Variants in PLSCR1 observed in about 807,000 individuals in gnomAD.
The protein encoded by PLSCR1 is PL scramblase 1.
A neutral mutation model predicts 37.8 loss-of-function variants in PLSCR1; 17 were observed. That is an observed-to-expected ratio of 0.45 (90% CI 0.31 to 0.68). PLSCR1 has a LOEUF of 0.68. Among genes scored for constraint, PLSCR1 ranks in the 30% least tolerant of loss-of-function variants. The pLI is 0.06. For synonymous variants in PLSCR1, 116 were observed against 125.9 expected (o/e 0.92, Z 0.53); for missense variants, 347 against 380.9 (o/e 0.91, Z 0.74).
chr3:146,524,338 G>C (rs1328272268), intron 5 of PLSCR1, among the ~76,000 whole-genome samples: 1 of 151,588 alleles, frequency 6.6e-6, no homozygotes, highest in African/African-American at 2.4e-5. Context: ...TAAGTGCCTA[G>C]TTTATGCTCA....
chr3:146,532,153 T>C (rs1296199902), intron 3 of PLSCR1, among the ~76,000 whole-genome samples: 1 of 152,176 alleles, frequency 6.6e-6, no homozygotes, highest in Non-Finnish European at 1.5e-5. Flanking sequence ...TATATATCTA[T>C]ATATATAAAC....
chr3:146,536,821 G>T, intron 1 of PLSCR1: 1 of 354,370 alleles, frequency 2.8e-6, no homozygotes, highest in Non-Finnish European at 5.3e-6. Flanking sequence ...TGGGAAGAGG[G>T]TCCAGTGAGG....
intron 1 of PLSCR1, among the ~76,000 whole-genome samples, chr3:146,537,012 G>A (rs1378428217): frequency 6.6e-6 from 1 of 152,142 alleles, no homozygotes; most frequent in Non-Finnish European, 1.5e-5. Flanking sequence ...AGCAAAAAAT[G>A]TTAATTATCA....
chr3:146,533,403 C>T, intron 3 of PLSCR1, 67 bp downstream of exon 3: 1 of 773,928 alleles, frequency 1.3e-6, no homozygotes, highest in Non-Finnish European at 2.2e-6. Flanking sequence ...TCTCTCTCTC[C>T]CACTCTCACT....
rs769076735 is a variant in PLSCR1, at chr3:146,521,957, C to T, written c.452G>A (p.Arg151Gln). 7.4e-6 allele frequency: 12 copies of T among 1,612,648 alleles called. No individual in the cohort carries two copies. Among genetic ancestry groups the T allele is most frequent in the African/African-American group, 6.7e-5 (5 of 74,886 alleles). Reference sequence around the variant, plus strand: ...AGGTCTAGATGGCCCACAGCAATTTCGGGTACAGCAATCAGTATCTTCCGC... The same window carrying T: ...AGGTCTAGATGGCCCACAGCAATTTTGGGTACAGCAATCAGTATCTTCCGC... Reference protein sequence around the residue: ...FAAEDTDCCTRNCCGPSRPFT... With the variant: ...FAAEDTDCCTQNCCGPSRPFT... Residue 151 changes from arginine to glutamine, a missense_variant, in exon 6 of 9, where the codon CGA becomes CAA. Arg to Gln is a conservative substitution (Grantham distance 43). Coordinates refer to ENST00000342435, the MANE Select transcript of PLSCR1 (RefSeq NM_021105.3).
At chr3:146,523,688 G>A (rs343311) in intron 5 of PLSCR1, among the ~76,000 whole-genome samples, 102,764 of 152,082 alleles carry the variant, frequency 0.68, 36,441 homozygotes, top group African/African-American at 0.91. Flanking sequence ...TATCTAGACC[G>A]TGGGAATCCT....
Position 146,515,756 on chromosome 3 carries a change from G to A in PLSCR1, c.*289C>T, listed in dbSNP as rs1051430333. ...ATAAGGCCTTAGTTAATATTTGGTA[G>A]TAAAATGGACAATGAATCAGAGATC... On this transcript the variant is annotated 3_prime_UTR_variant, in exon 9 of 9. Coordinates refer to ENST00000342435, the MANE Select transcript of PLSCR1 (RefSeq NM_021105.3). The A allele has an allele frequency of 5.0e-5, 12 of 238,158 alleles. No individual in the cohort carries two copies. Among genetic ancestry groups the A allele is most frequent in the Admixed American group, 1.1e-4 (2 of 17,972 alleles). 14.8% of individuals were successfully genotyped at this position (238,158 alleles called of 1,614,324 possible).
At chr3:146,523,528 G>A (rs189858401) in intron 5 of PLSCR1, among the ~76,000 whole-genome samples, 7 of 152,208 alleles carry the variant, frequency 4.6e-5, no homozygotes, top group Admixed American at 1.3e-4. Flanking sequence ...CAATGTACAC[G>A]CATAAAAACC....
chr3:146,531,179 A>G (rs2044193537), intron 3 of PLSCR1, among the ~76,000 whole-genome samples: 1 of 152,188 alleles, frequency 6.6e-6, no homozygotes, highest in Non-Finnish European at 1.5e-5. Flanking sequence ...ACAGGAGTTC[A>G]GGAGGCCAGA....
rs7638764 is a variant in PLSCR1 at position 146,539,117 on chromosome 3, A to C, written c.-13-2552T>G. 7.9e-3 allele frequency among the ~76,000 whole-genome samples: 1,201 copies of C among 152,336 alleles called. 10 individuals carry two copies. The highest frequency in any genetic ancestry group is 0.028 in the African/African-American group (1,153 of 41,570). ...GATTATACAATTCATTATAAGGTAGAATCAGTGGGAGCCCTGAGCTTGTTT... is the reference window on the plus strand; with the variant it reads ...GATTATACAATTCATTATAAGGTAGCATCAGTGGGAGCCCTGAGCTTGTTT... On this transcript the variant is annotated intron_variant, in intron 1 of 8. Coordinates refer to ENST00000342435, the MANE Select transcript of PLSCR1 (RefSeq NM_021105.3).
At chr3:146,542,704 T>C (rs1027302400) in intron 1 of PLSCR1, among the ~76,000 whole-genome samples, 1 of 152,190 alleles carries the variant, frequency 6.6e-6, no homozygotes, top group Non-Finnish European at 1.5e-5. Flanking sequence ...TTTGGTTTTT[T>C]AATTTAGCAC....
intron 5 of PLSCR1, among the ~76,000 whole-genome samples, chr3:146,522,362 C>A (rs1469306362): frequency 1.3e-5 from 2 of 152,114 alleles, no homozygotes; most frequent in Admixed American, 6.5e-5. Context: ...ATTTTTCTGC[C>A]TTGAGATGCT....
At chr3:146,530,578 T>C (rs2044183067) in intron 3 of PLSCR1, among the ~76,000 whole-genome samples, 1 of 152,160 alleles carries the variant, frequency 6.6e-6, no homozygotes, top group South Asian at 2.1e-4. Context: ...ATAATTTATA[T>C]CAAGGTCTAA....
intron 4 of PLSCR1, among the ~76,000 whole-genome samples, chr3:146,525,988 C>T (rs1355569029): frequency 6.6e-6 from 1 of 151,360 alleles, no homozygotes; most frequent in African/African-American, 2.4e-5. Context: ...TCGAGACCAT[C>T]CTGGCTGACA....
chr3:146,539,915 C>T (rs1214817942), intron 1 of PLSCR1, among the ~76,000 whole-genome samples: 1 of 152,166 alleles, frequency 6.6e-6, no homozygotes, highest in Non-Finnish European at 1.5e-5. Context: ...TAAAGTCATC[C>T]ACTATGTGGA....
At chr3:146,536,048 T>C (rs1319127959) in intron 2 of PLSCR1, among the ~76,000 whole-genome samples, 2 of 152,152 alleles carry the variant, frequency 1.3e-5, no homozygotes, top group African/African-American at 4.8e-5. Context: ...TTGATAAATA[T>C]CCATCTTACT....
chr3:146,543,798 G>A (rs545771802), intron 1 of PLSCR1, among the ~76,000 whole-genome samples: 1 of 152,310 alleles, frequency 6.6e-6, no homozygotes, highest in Non-Finnish European at 1.5e-5. Flanking sequence ...TCAGAGATGA[G>A]GCAATGGAAA....
intron 5 of PLSCR1, among the ~76,000 whole-genome samples, chr3:146,525,033 G>GTGCACCTAAGTAC (rs2044087869): frequency 6.6e-6 from 1 of 152,120 alleles, no homozygotes; most frequent in East Asian, 1.9e-4. Context: ...AGGAGCCCTG[G>GTGCACCTAAGTAC]ACCCAAGGAA....
chr3:146,525,797 T>C (rs1259637487), intron 4 of PLSCR1, 150 bp from the exon 5 acceptor site: 1 of 465,356 alleles, frequency 2.1e-6, no homozygotes, highest in African/African-American at 2.0e-5. Context: ...AGTGTAAAAC[T>C]GAAGTTAATA....
Sources: allele counts gnomAD v4.1 joint callset (sites outside exome capture counted in the v4.1 genomes callset), GRCh38; gene constraint gnomAD v4.1.1; transcripts MANE v1.5; gene names NCBI Gene and HGNC (gene_info 2026-07-23, HGNC 2026-07-21).